Variants in IRAG1 observed in about 807,000 individuals in gnomAD.
IRAG1 encodes inositol 1,4,5-triphosphate receptor associated 1.
In IRAG1, 62 loss-of-function variants were observed where a neutral mutation model predicts 106.2. The ratio of observed to expected loss-of-function variants is 0.58; its 90% CI spans 0.48 to 0.72. The LOEUF is 0.72. IRAG1 is among the 30% of genes least tolerant of loss of function. The pLI, the probability that IRAG1 is intolerant of heterozygous loss-of-function variation, is 0.00. For missense variants in IRAG1, 1,064 were observed against 1,140.7 expected, an observed-to-expected ratio of 0.93 and a Z score of 0.97; for synonymous variants, 462 against 443.9, an observed-to-expected ratio of 1.04 and a Z score of -0.51.
At chr11:10,604,868 G>C (rs1033898835) in intron 12 of IRAG1, among the ~76,000 whole-genome samples, 1 of 152,218 alleles carries the variant, frequency 6.6e-6, no homozygotes, top group Non-Finnish European at 1.5e-5. Context: ...ATAAACTCAG[G>C]CCAGTACAGC....
intron 10 of IRAG1, among the ~76,000 whole-genome samples, chr11:10,620,447 C>A (rs961653723): frequency 5.9e-5 from 9 of 151,998 alleles, no homozygotes; most frequent in Admixed American, 3.3e-4. Context: ...CCAACAAAAA[C>A]CAAACAAATC....
chr11:10,626,669 C>A, intron 8 of IRAG1, 86 bp from the exon 9 acceptor site: 1 of 1,429,310 alleles, frequency 7.0e-7, no homozygotes, highest in South Asian at 1.4e-5. Context: ...AGTCTCTGCC[C>A]CCACACACCT....
chr11:10,687,509 C>T (rs948386840), intron 1 of IRAG1: 2 of 400,550 alleles, frequency 5.0e-6, no homozygotes, highest in Non-Finnish European at 7.8e-6. Context: ...ACCTACTTGC[C>T]TGTTGATCCA....
At chr11:10,656,612 G>A (rs1297009342) in intron 1 of IRAG1, among the ~76,000 whole-genome samples, 2 of 152,118 alleles carry the variant, frequency 1.3e-5, no homozygotes, top group African/African-American at 4.8e-5. Flanking sequence ...ACTGAGCATC[G>A]GACACTATGC....
chr11:10,686,304 C>T (rs1006645949), intron 1 of IRAG1, among the ~76,000 whole-genome samples: 3 of 152,112 alleles, frequency 2.0e-5, no homozygotes, highest in South Asian at 4.1e-4. Flanking sequence ...TGGGTGACCT[C>T]GGCAACATTT....
At chr11:10,634,476 C>T (rs1222334663) in intron 2 of IRAG1, among the ~76,000 whole-genome samples, 4 of 152,250 alleles carry the variant, frequency 2.6e-5, no homozygotes, top group Admixed American at 6.5e-5. Context: ...CCGTGCTGTA[C>T]GTTAGATCCC....
chr11:10,678,376 C>T (rs1860876947), intron 1 of IRAG1, among the ~76,000 whole-genome samples: 1 of 152,154 alleles, frequency 6.6e-6, no homozygotes, highest in South Asian at 2.1e-4. Flanking sequence ...AAGGATGTTC[C>T]TAGTTTTTAA....
At position 10,576,377 on chromosome 11, in the gene IRAG1, G is replaced by C. The variant is rs752851483; in HGVS notation, c.2694C>G (p.Ser898=). The change falls in exon 21 of 21, where the codon TCC becomes TCG. Residue 898 remains serine, a synonymous_variant. Coordinates refer to ENST00000423302, the MANE Select transcript of IRAG1 (RefSeq NM_130385.4). The part of the protein sequence containing the change: ...RSTCSAAQRD[S]WWSSGLQHEQ... ...CATGCTGGAGTCCTGAGCTCCACCAGGAGTCCCTCTGGGCTGCCGAGCAAG... is the reference window on the plus strand; with the variant it reads ...CATGCTGGAGTCCTGAGCTCCACCACGAGTCCCTCTGGGCTGCCGAGCAAG... 2.2e-5 allele frequency: 36 copies of C among 1,613,838 alleles called. No homozygotes were observed. Among genetic ancestry groups the C allele is most frequent in the Non-Finnish European group, 2.5e-6 (3 of 1,179,878 alleles).
chr11:10,615,583 C>T (rs1229450898), intron 10 of IRAG1, among the ~76,000 whole-genome samples: 3 of 152,094 alleles, frequency 2.0e-5, no homozygotes, highest in African/African-American at 7.2e-5. Flanking sequence ...ACATATACAC[C>T]ATGGAATACT....
At chr11:10,610,563 G>C (rs977355289) in intron 10 of IRAG1, among the ~76,000 whole-genome samples, 1 of 152,144 alleles carries the variant, frequency 6.6e-6, no homozygotes, top group African/African-American at 2.4e-5. Flanking sequence ...CTCTTCTCCA[G>C]ACTCTAGCTC....
At chr11:10,584,037 T>C (rs1386413779) in intron 18 of IRAG1, among the ~76,000 whole-genome samples, 3 of 152,126 alleles carry the variant, frequency 2.0e-5, no homozygotes, top group African/African-American at 4.8e-5. Flanking sequence ...TGGGAGATCA[T>C]TGCAGGTATG....
chr11:10,590,204 T>C (rs1852488434), intron 18 of IRAG1, among the ~76,000 whole-genome samples: 1 of 152,212 alleles, frequency 6.6e-6, no homozygotes, highest in Non-Finnish European at 1.5e-5. Flanking sequence ...GGTAAGTTTC[T>C]GTAAACTCGG....
intron 1 of IRAG1, among the ~76,000 whole-genome samples, chr11:10,660,892 C>A (rs1859340473): frequency 6.6e-6 from 1 of 152,192 alleles, no homozygotes; most frequent in Non-Finnish European, 1.5e-5. Flanking sequence ...TTCAGAAATG[C>A]CCTTCCTCCC....
intron 1 of IRAG1, among the ~76,000 whole-genome samples, chr11:10,666,849 G>A (rs1038307141): frequency 6.6e-6 from 1 of 152,192 alleles, no homozygotes; most frequent in African/African-American, 2.4e-5. Context: ...CCTGGCCCAG[G>A]TTCCACAAGG....
At chr11:10,682,520 G>A (rs560251709) in intron 1 of IRAG1, among the ~76,000 whole-genome samples, 2 of 152,224 alleles carry the variant, frequency 1.3e-5, no homozygotes, top group South Asian at 4.2e-4. Flanking sequence ...GTCTGATAAG[G>A]TCTGTGAACC....
In IRAG1 at chr11:10,633,079, T is replaced by C. The variant is rs571553689; in HGVS notation, c.329+889A>G. The stretch of plus-strand genomic sequence containing the variant: ...TCCTTTTCTTTTTCTTTCTTTCTTT[T>C]TTTTTTTTTTTTTGAGACGGAGTCT... On this transcript the variant is annotated intron_variant, in intron 3 of 20. Coordinates refer to ENST00000423302, the MANE Select transcript of IRAG1 (RefSeq NM_130385.4). 6.5e-4 allele frequency among the ~76,000 whole-genome samples: 94 copies of C among 145,236 alleles called. No homozygotes were observed. In the East Asian group the frequency reaches 0.013, roughly 20 times the overall value.
At chr11:10,597,125 C>T (rs1462023719) in intron 15 of IRAG1, among the ~76,000 whole-genome samples, 1 of 152,192 alleles carries the variant, frequency 6.6e-6, no homozygotes, top group Non-Finnish European at 1.5e-5. Flanking sequence ...TGCCTTGTGA[C>T]TTCAAGGGGA....
At chr11:10,649,169 C>G (rs369651478) in intron 2 of IRAG1, among the ~76,000 whole-genome samples, 4 of 152,242 alleles carry the variant, frequency 2.6e-5, no homozygotes, top group African/African-American at 9.6e-5. Context: ...GAGGCCGTGA[C>G]TACCTGAGAA....
At chr11:10,637,405 C>T (rs1258570957) in intron 2 of IRAG1, among the ~76,000 whole-genome samples, 3 of 152,096 alleles carry the variant, frequency 2.0e-5, no homozygotes, top group African/African-American at 4.8e-5. Context: ...AGAAGAGACA[C>T]CCAGGGAGTT....
Sources: allele counts gnomAD v4.1 joint callset (sites outside exome capture counted in the v4.1 genomes callset), GRCh38; gene constraint gnomAD v4.1.1; transcripts MANE v1.5; gene names NCBI Gene and HGNC (gene_info 2026-07-23, HGNC 2026-07-21).